The following DPYD variants were observed in gnomAD, a reference collection of about 807,000 sequenced individuals.
DPYD encodes dihydropyrimidine dehydrogenase [NADP(+)].
In DPYD, 109 loss-of-function variants were observed where a neutral mutation model predicts 116.2. That is an observed-to-expected ratio of 0.94 (90% CI 0.80 to 1.10). DPYD has a LOEUF of 1.10. Among genes scored for constraint, DPYD ranks in the 50% least tolerant of loss-of-function variants. DPYD has a pLI of 0.00. For synonymous variants in DPYD, 440 were observed against 432.0 expected, an observed-to-expected ratio of 1.02 and a Z score of -0.23; for missense variants, 1,302 against 1,254.5, an observed-to-expected ratio of 1.04 and a Z score of -0.57.
chr1:97,798,111 C>T (rs1667668823), intron 3 of DPYD: 1 of 151,976 alleles, frequency 6.6e-6, no homozygotes, highest in Non-Finnish European at 1.5e-5. Context: ...AATAGATTTT[C>T]AATATTTGTT....
At chr1:97,453,773 A>G (rs1487874026) in intron 13 of DPYD, among the ~76,000 whole-genome samples, 2 of 152,032 alleles carry the variant, frequency 1.3e-5, no homozygotes, top group Non-Finnish European at 1.5e-5. Flanking sequence ...TTTCTCTTCT[A>G]CGATGTGGTG....
At chr1:97,556,123 G>T (rs1456923499) in intron 11 of DPYD, among the ~76,000 whole-genome samples, 1 of 152,144 alleles carries the variant, frequency 6.6e-6, no homozygotes, top group Non-Finnish European at 1.5e-5. Flanking sequence ...TACTCTCAGG[G>T]TCATGCAAAG....
chr1:97,223,932 TC>T (rs751646439), intron 19 of DPYD, among the ~76,000 whole-genome samples: 63 of 152,154 alleles, frequency 4.1e-4, no homozygotes, highest in Non-Finnish European at 6.6e-4. Context: ...CTTCTTTTTT[TC>T]AGAGTAGCCC....
chr1:97,788,892 C>T (rs1248172947), intron 3 of DPYD, among the ~76,000 whole-genome samples: 1 of 152,176 alleles, frequency 6.6e-6, no homozygotes, highest in African/African-American at 2.4e-5. Context: ...CAACCTCCGC[C>T]TCCCAGGTTC....
At position 97,920,221 on chromosome 1, in the gene DPYD, T is replaced by TA. The variant is rs11442543; in HGVS notation, c.39+662dup. 9.7e-3 allele frequency among the ~76,000 whole-genome samples: 1,477 copies of TA among 152,138 alleles called. 32 individuals are homozygous for TA. Among genetic ancestry groups the TA allele is most frequent in the African/African-American group, 0.032 (1,335 of 41,492 alleles). On this transcript the variant is annotated intron_variant, in intron 1 of 22. Coordinates refer to ENST00000370192, the MANE Select transcript of DPYD (RefSeq NM_000110.4). ...CGTTTCAGGTAGGACCTTATTTACATAAAAAAAGATTTTTTTTAACAGAAA... is the reference window on the plus strand; with the variant it reads ...CGTTTCAGGTAGGACCTTATTTACATAAAAAAAAGATTTTTTTTAACAGAAA...
intron 3 of DPYD, chr1:97,797,171 C>A (rs1386173327): frequency 6.6e-6 from 1 of 152,112 alleles, no homozygotes; most frequent in East Asian, 1.9e-4. Context: ...ATCTTGCTTT[C>A]TTTTCTATTT....
chr1:97,837,583 C>T (rs1669830126), intron 2 of DPYD, among the ~76,000 whole-genome samples: 3 of 152,056 alleles, frequency 2.0e-5, no homozygotes, highest in Admixed American at 6.5e-5. Context: ...GTCTAAACTC[C>T]TATTATAATT....
At chr1:97,910,331 A>G (rs1673874367) in intron 1 of DPYD, among the ~76,000 whole-genome samples, 1 of 152,110 alleles carries the variant, frequency 6.6e-6, no homozygotes, top group Non-Finnish European at 1.5e-5. Flanking sequence ...TTAAAAAAAG[A>G]GAGTAAATTC....
At chr1:97,654,232 A>G (rs1276425204) in intron 8 of DPYD, among the ~76,000 whole-genome samples, 1 of 152,224 alleles carries the variant, frequency 6.6e-6, no homozygotes, top group Non-Finnish European at 1.5e-5. Flanking sequence ...GATAATTACA[A>G]TGATTGAGCA....
intron 16 of DPYD, among the ~76,000 whole-genome samples, chr1:97,358,017 A>G (rs758100658): frequency 2.0e-5 from 3 of 152,212 alleles, no homozygotes; most frequent in Non-Finnish European, 2.9e-5. Context: ...CCTGGGAAGC[A>G]CAAGTGGTTG....
At chr1:97,305,505 T>C (rs1667106405) in intron 17 of DPYD, 127 bp from the exon 18 acceptor site, 3 of 1,293,628 alleles carry the variant, frequency 2.3e-6, no homozygotes, top group Non-Finnish European at 3.3e-6. Flanking sequence ...CTCCTCAAAG[T>C]TCTTCACTAA....
intron 20 of DPYD, among the ~76,000 whole-genome samples, chr1:97,102,798 C>A (rs958503858): frequency 2.0e-5 from 3 of 151,806 alleles, no homozygotes; most frequent in African/African-American, 7.3e-5. Flanking sequence ...TCATTAAGGG[C>A]TAGTGTCAGA....
intron 11 of DPYD, among the ~76,000 whole-genome samples, chr1:97,557,182 C>T (rs547094993): frequency 5.3e-5 from 8 of 151,498 alleles, no homozygotes; most frequent in South Asian, 4.2e-4. Flanking sequence ...TCATGTCCTT[C>T]GCCCACTTTT....
At chr1:97,361,583 G>A (rs1670729216) in intron 16 of DPYD, among the ~76,000 whole-genome samples, 1 of 152,170 alleles carries the variant, frequency 6.6e-6, no homozygotes, top group African/African-American at 2.4e-5. Context: ...GAATCCAGCA[G>A]CACATCAAAA....
At chr1:97,561,539 G>A in intron 11 of DPYD, among the ~76,000 whole-genome samples, 1 of 152,132 alleles carries the variant, frequency 6.6e-6, no homozygotes, top group Non-Finnish European at 1.5e-5. Flanking sequence ...TATACAGAGT[G>A]AAATAGAAGA....
intron 12 of DPYD, among the ~76,000 whole-genome samples, chr1:97,544,582 T>C (rs913070901): frequency 6.6e-6 from 1 of 152,054 alleles, no homozygotes; most frequent in Non-Finnish European, 1.5e-5. Flanking sequence ...AAACTTCCTA[T>C]CTGCCATTAC....
At chr1:97,148,342 G>A (rs1005270028) in intron 20 of DPYD, among the ~76,000 whole-genome samples, 4 of 151,886 alleles carry the variant, frequency 2.6e-5, no homozygotes, top group African/African-American at 4.8e-5. Context: ...CCATACTATA[G>A]AGAAAACATC....
chr1:97,088,775 A>C (rs1376270691), intron 21 of DPYD, among the ~76,000 whole-genome samples: 1 of 152,158 alleles, frequency 6.6e-6, no homozygotes, highest in Non-Finnish European at 1.5e-5. Context: ...TCACATTTCT[A>C]CAAATCCCCA....
At chr1:97,430,433 T>TA (rs777975990) in intron 14 of DPYD, among the ~76,000 whole-genome samples, 2 of 152,078 alleles carry the variant, frequency 1.3e-5, no homozygotes, top group Non-Finnish European at 1.5e-5. Flanking sequence ...CAGTTGCCTT[T>TA]AAAAAAACAG....
Sources: gnomAD v4.1 joint callset for allele counts (sites outside exome capture counted in the v4.1 genomes callset) on GRCh38, gnomAD v4.1.1 for gene constraint, MANE v1.5 for transcripts, NCBI Gene and HGNC (gene_info 2026-07-23, HGNC 2026-07-21) for gene names.